CFAP20DC: variants seen among roughly 807,000 people sequenced by gnomAD.
The protein encoded by CFAP20DC is CFAP20 domain containing, also known as protein CFAP20DC.
In CFAP20DC, 84 loss-of-function variants were observed where a neutral mutation model predicts 101.7. That is an observed-to-expected ratio of 0.83 (90% confidence interval 0.69 to 0.99). The LOEUF (loss-of-function observed/expected upper bound fraction) is 0.99, where lower values mean the gene tolerates loss of function less well. Among genes scored for constraint, CFAP20DC ranks in the 50% least tolerant of loss-of-function variants. The pLI is 0.00. For synonymous variants in CFAP20DC, 359 were observed against 351.2 expected, an observed-to-expected ratio of 1.02 and a Z score of -0.25; for missense variants, 1,007 against 970.3, an observed-to-expected ratio of 1.04 and a Z score of -0.50.
At chr3:59,012,001 T>C (rs927409050) in intron 4 of CFAP20DC, among the ~76,000 whole-genome samples, 2 of 152,208 alleles carry the variant, frequency 1.3e-5, no homozygotes, top group Non-Finnish European at 2.9e-5. Flanking sequence ...GAGTATTTAC[T>C]CCTTTCCAGG....
At chr3:58,981,184 C>A (rs1249269944) in intron 4 of CFAP20DC, among the ~76,000 whole-genome samples, 1 of 152,116 alleles carries the variant, frequency 6.6e-6, no homozygotes, top group Admixed American at 6.5e-5. Context: ...GAACTACAAA[C>A]CACTGCTCAA....
intron 14 of CFAP20DC, among the ~76,000 whole-genome samples, chr3:58,813,006 C>T (rs781472086): frequency 6.6e-6 from 1 of 151,866 alleles, no homozygotes; most frequent in African/African-American, 2.4e-5. Context: ...GAAACCCAGA[C>T]ACACAGAAAA....
At chr3:58,989,852 T>C (rs946043925) in intron 4 of CFAP20DC, among the ~76,000 whole-genome samples, 3 of 152,196 alleles carry the variant, frequency 2.0e-5, no homozygotes, top group Admixed American at 6.5e-5. Flanking sequence ...ATTGATTTAT[T>C]ATTAGCAAAG....
chr3:58,801,069 G>C (rs1052018250), intron 15 of CFAP20DC, among the ~76,000 whole-genome samples: 4 of 151,900 alleles, frequency 2.6e-5, no homozygotes, highest in African/African-American at 9.7e-5. Flanking sequence ...GAGAGAGAGA[G>C]AGAGAAAGTG....
chr3:58,778,747 T>A (rs1018424528), intron 15 of CFAP20DC, among the ~76,000 whole-genome samples: 8 of 152,202 alleles, frequency 5.3e-5, no homozygotes, highest in Admixed American at 4.6e-4. Flanking sequence ...CTGCCACTAT[T>A]GAGGTCCGGA....
intron 14 of CFAP20DC, among the ~76,000 whole-genome samples, chr3:58,825,118 A>AAGG (rs1444667524): frequency 6.6e-6 from 1 of 152,170 alleles, no homozygotes; most frequent in Non-Finnish European, 1.5e-5. Flanking sequence ...GTTTATTTGG[A>AAGG]AGGATCTGAG....
intron 5 of CFAP20DC, among the ~76,000 whole-genome samples, chr3:58,933,446 C>T (rs1267904155): frequency 2.6e-5 from 4 of 152,298 alleles, no homozygotes; most frequent in African/African-American, 7.2e-5. Flanking sequence ...CAGAACTCTC[C>T]ACCCCAAATC....
chr3:58,927,955 A>T (rs1212977583), intron 5 of CFAP20DC, among the ~76,000 whole-genome samples: 2 of 152,214 alleles, frequency 1.3e-5, no homozygotes, highest in Non-Finnish European at 2.9e-5. Context: ...AATGAGAGCA[A>T]GTTTTCAAAC....
chr3:59,046,532 T>C (rs1377333951), intron 2 of CFAP20DC, among the ~76,000 whole-genome samples: 2 of 152,004 alleles, frequency 1.3e-5, no homozygotes, highest in Non-Finnish European at 2.9e-5. Flanking sequence ...GCATTCAAGG[T>C]GTGGACTGGA....
At chr3:58,933,091 T>C (rs2086954250) in intron 5 of CFAP20DC, among the ~76,000 whole-genome samples, 1 of 151,580 alleles carries the variant, frequency 6.6e-6, no homozygotes. Context: ...ACCAAGCAAA[T>C]GGAAAACAAG....
chr3:58,989,825 C>A (rs2092877967), intron 4 of CFAP20DC, among the ~76,000 whole-genome samples: 1 of 151,900 alleles, frequency 6.6e-6, no homozygotes, highest in Non-Finnish European at 1.5e-5. Context: ...TGGATGAGAG[C>A]AAGAAATGAG....
intron 4 of CFAP20DC, among the ~76,000 whole-genome samples, chr3:58,973,075 C>T (rs1384134023): frequency 1.3e-5 from 2 of 152,148 alleles, no homozygotes; most frequent in Non-Finnish European, 2.9e-5. Context: ...CTCCCAGGCT[C>T]TCTTTTTAAT....
rs536277954 is a variant in CFAP20DC at position 58,856,265 on chromosome 3, G to GACACACACACACAC, written c.1594-6870_1594-6857dup. Among the ~76,000 whole-genome samples the GACACACACACACAC allele has an allele frequency of 2.3e-3, 287 of 124,126 alleles. 3 individuals carry two copies. The highest frequency in any genetic ancestry group is 4.0e-3 in the Middle Eastern group (1 of 250). 81.4% of individuals were successfully genotyped at this position (124,126 alleles called of 152,430 possible). On this transcript the variant is annotated intron_variant, in intron 12 of 16. Coordinates refer to ENST00000482387, the MANE Select transcript of CFAP20DC (RefSeq NM_001394063.1). The stretch of plus-strand genomic sequence containing the variant: ...TTTGTCTACACTAGCTTCATCTTCT[G>GACACACACACACAC]ACACACACACACACACACACACACA...
chr3:58,961,954 C>T (rs1199224960), intron 4 of CFAP20DC, among the ~76,000 whole-genome samples: 2 of 151,940 alleles, frequency 1.3e-5, no homozygotes, highest in Non-Finnish European at 2.9e-5. Context: ...AAGTTTTGTC[C>T]ATCTTTTCAA....
chr3:58,975,737 C>T (rs116001912), intron 4 of CFAP20DC, among the ~76,000 whole-genome samples: 1,552 of 152,192 alleles, frequency 0.01, 29 homozygotes, highest in African/African-American at 0.035. Flanking sequence ...AGCCTAAAAT[C>T]ACCTGTTTTG....
At chr3:58,986,825 A>G (rs2092768917) in intron 4 of CFAP20DC, among the ~76,000 whole-genome samples, 1 of 152,122 alleles carries the variant, frequency 6.6e-6, no homozygotes, top group African/African-American at 2.4e-5. Flanking sequence ...CCCCCAATAA[A>G]CATAAAGTCA....
At chr3:58,754,281 A>C (rs547684339) in intron 15 of CFAP20DC, among the ~76,000 whole-genome samples, 2 of 152,318 alleles carry the variant, frequency 1.3e-5, no homozygotes, top group East Asian at 3.9e-4. Context: ...CTCAGAACTG[A>C]AGTCAGTCTT....
chr3:58,984,484 G>C (rs2092687000), intron 4 of CFAP20DC, among the ~76,000 whole-genome samples: 1 of 152,192 alleles, frequency 6.6e-6, no homozygotes, highest in African/African-American at 2.4e-5. Context: ...GAGAGATGTA[G>C]CCTAATGACA....
intron 14 of CFAP20DC, among the ~76,000 whole-genome samples, chr3:58,806,875 C>A (rs1041361593): frequency 6.6e-6 from 1 of 152,204 alleles, no homozygotes; most frequent in Non-Finnish European, 1.5e-5. Context: ...TAATACTGCA[C>A]TTTTCCAACG....
Sources: allele counts gnomAD v4.1 joint callset (sites outside exome capture counted in the v4.1 genomes callset), GRCh38; gene constraint gnomAD v4.1.1; transcripts MANE v1.5; gene names NCBI Gene and HGNC (gene_info 2026-07-23, HGNC 2026-07-21).